The following RORA variants were observed in gnomAD, a reference collection of about 807,000 sequenced individuals.
The protein encoded by RORA is nuclear receptor ROR-alpha.
A neutral mutation model predicts 69.5 loss-of-function variants in RORA; 7 were observed. That is an observed-to-expected ratio of 0.10 (90% confidence interval 0.06 to 0.19). RORA has a LOEUF of 0.19. Among genes scored for constraint, RORA ranks in the 10% least tolerant of loss-of-function variants. RORA has a pLI of 1.00. For missense variants in RORA, 457 were observed against 663.0 expected (o/e 0.69, Z 3.41); for synonymous variants, 261 against 240.8 (o/e 1.08, Z -0.78).
intron 1 of RORA, among the ~76,000 whole-genome samples, chr15:60,913,724 G>T (rs1467156054): frequency 6.6e-6 from 1 of 152,180 alleles, no homozygotes; most frequent in Non-Finnish European, 1.5e-5. Flanking sequence ...GATGACTATA[G>T]AATCTGCTTA....
chr15:60,500,080 A>G, intron 9 of RORA, 76 bp from the exon 10 acceptor site: 1 of 864,532 alleles, frequency 1.2e-6, no homozygotes, highest in Non-Finnish European at 1.9e-6. Flanking sequence ...GATTCTTTTG[A>G]TACGGATAAT....
At chr15:61,175,960 C>A in intron 1 of RORA, 1 of 152,338 alleles carries the variant, frequency 6.6e-6, no homozygotes, top group East Asian at 1.9e-4. Flanking sequence ...ACGCCAACCA[C>A]AGGCTTCTGC....
chr15:61,191,311 C>G (rs1297066330), intron 1 of RORA, among the ~76,000 whole-genome samples: 1 of 150,850 alleles, frequency 6.6e-6, no homozygotes, highest in Non-Finnish European at 1.5e-5. Context: ...ATTATTATTT[C>G]ACAAGCTGAC....
Position 60,870,975 on chromosome 15 carries a change from C to G in RORA, c.167-192289G>C, listed in dbSNP as rs143268448. On this transcript the variant is annotated intron_variant, in intron 1 of 10. Transcript: ENST00000335670. Reference sequence around the variant, plus strand: ...TACTCTACTAGTCCTGTTAGGAAGACACATCTGGTTTGCTAGACAATCAAT... The same window carrying G: ...TACTCTACTAGTCCTGTTAGGAAGAGACATCTGGTTTGCTAGACAATCAAT... 2.1e-3 allele frequency among the ~76,000 whole-genome samples: 322 copies of G among 152,304 alleles called. 2 individuals are homozygous for G. Among genetic ancestry groups the G allele is most frequent in the African/African-American group, 7.5e-3 (310 of 41,554 alleles).
At chr15:60,958,203 G>T (rs1237072437) in intron 1 of RORA, among the ~76,000 whole-genome samples, 1 of 152,132 alleles carries the variant, frequency 6.6e-6, no homozygotes, top group Non-Finnish European at 1.5e-5. Flanking sequence ...AGTGGTGATG[G>T]CAGAGATTTT....
At chr15:61,011,657 A>G (rs1895091450) in intron 1 of RORA, among the ~76,000 whole-genome samples, 1 of 152,168 alleles carries the variant, frequency 6.6e-6, no homozygotes, top group Non-Finnish European at 1.5e-5. Flanking sequence ...TAGCTATTTG[A>G]CACTCATAAA....
At chr15:60,822,449 C>T (rs1211204195) in intron 1 of RORA, among the ~76,000 whole-genome samples, 4 of 152,192 alleles carry the variant, frequency 2.6e-5, no homozygotes, top group Non-Finnish European at 5.9e-5. Context: ...GATTTAACCT[C>T]AGTGGAAACG....
At chr15:61,184,060 C>G (rs2079715452) in intron 1 of RORA, among the ~76,000 whole-genome samples, 1 of 152,180 alleles carries the variant, frequency 6.6e-6, no homozygotes, top group African/African-American at 2.4e-5. Context: ...GTTCCCATGT[C>G]CACAGAACTC....
intron 2 of RORA, among the ~76,000 whole-genome samples, chr15:60,557,343 A>G (rs2067397467): frequency 6.6e-6 from 1 of 152,210 alleles, no homozygotes; most frequent in African/African-American, 2.4e-5. Flanking sequence ...TTCTGGCACT[A>G]CGAGAGGATG....
At chr15:60,641,227 C>T (rs972433101) in intron 2 of RORA, among the ~76,000 whole-genome samples, 2 of 152,138 alleles carry the variant, frequency 1.3e-5, no homozygotes, top group Non-Finnish European at 2.9e-5. Context: ...GCTGGGATTA[C>T]AGGCAAGAGC....
intron 2 of RORA, among the ~76,000 whole-genome samples, chr15:60,562,431 T>G (rs866503459): frequency 1.4e-5 from 2 of 142,816 alleles, no homozygotes; most frequent in Admixed American, 6.9e-5. Context: ...GAGGCGGGGT[T>G]GGGGGGGGGT....
intron 1 of RORA, among the ~76,000 whole-genome samples, chr15:60,929,311 C>T (rs1172499355): frequency 2.0e-5 from 3 of 152,172 alleles, no homozygotes; most frequent in African/African-American, 7.2e-5. Context: ...TTATCTTTCA[C>T]AGGAATCCTC....
intron 1 of RORA, among the ~76,000 whole-genome samples, chr15:61,150,366 A>G (rs906053708): frequency 6.6e-6 from 1 of 152,300 alleles, no homozygotes; most frequent in Non-Finnish European, 1.5e-5. Context: ...TAGAGCCATC[A>G]TTTGCACACA....
At chr15:61,140,310 A>G (rs1465564482) in intron 1 of RORA, among the ~76,000 whole-genome samples, 1 of 152,188 alleles carries the variant, frequency 6.6e-6, no homozygotes, top group Admixed American at 6.5e-5. Context: ...CTTTTAAAGT[A>G]GGTTAAGGAA....
intron 1 of RORA, among the ~76,000 whole-genome samples, chr15:61,138,917 G>A (rs1401536370): frequency 3.3e-5 from 5 of 152,128 alleles, no homozygotes; most frequent in African/African-American, 1.2e-4. Flanking sequence ...AGGCCGAGGC[G>A]GGTGGACCAC....
intron 1 of RORA, among the ~76,000 whole-genome samples, chr15:61,146,797 T>C (rs770029642): frequency 5.9e-5 from 9 of 152,200 alleles, no homozygotes; most frequent in Non-Finnish European, 1.0e-4. Context: ...CCTGCTGTTA[T>C]ACATTTATTC....
At chr15:61,178,059 T>G (rs376702226) in intron 1 of RORA, among the ~76,000 whole-genome samples, 19 of 152,240 alleles carry the variant, frequency 1.2e-4, no homozygotes, top group African/African-American at 4.6e-4. Context: ...AAAACCTTCC[T>G]TCCATTTTCT....
chr15:60,883,954 C>T (rs79678466), intron 1 of RORA, among the ~76,000 whole-genome samples: 1,788 of 152,298 alleles, frequency 0.012, 22 homozygotes, highest in Non-Finnish European at 0.019. Flanking sequence ...GTTTTCTCTT[C>T]CAGCATTCTT....
At chr15:60,949,010 C>T (rs941424038) in intron 1 of RORA, among the ~76,000 whole-genome samples, 9 of 152,210 alleles carry the variant, frequency 5.9e-5, no homozygotes, top group East Asian at 3.9e-4. Flanking sequence ...ATATTCTGAG[C>T]GGTGGACAAG....
Sources: gnomAD v4.1 joint callset for allele counts (sites outside exome capture counted in the v4.1 genomes callset) on GRCh38, gnomAD v4.1.1 for gene constraint, MANE v1.5 for transcripts, NCBI Gene and HGNC (gene_info 2026-07-23, HGNC 2026-07-21) for gene names.